Variants in WDR7 observed in about 807,000 individuals in gnomAD.
The protein encoded by WDR7 is WD repeat domain 7.
A neutral mutation model predicts 169.4 loss-of-function variants in WDR7; 46 were observed. That is an observed-to-expected ratio of 0.27 (90% CI 0.21 to 0.35). The LOEUF (loss-of-function observed/expected upper bound fraction) is 0.35. WDR7 is among the 10% of genes least tolerant of loss of function. The pLI is 1.00. For synonymous variants in WDR7, 612 were observed against 666.8 expected, an observed-to-expected ratio of 0.92 and a Z score of 1.27; for missense variants, 1,534 against 1,859.3, an observed-to-expected ratio of 0.83 and a Z score of 3.22.
chr18:57,019,654 C>T (rs2048259238), intron 26 of WDR7, among the ~76,000 whole-genome samples: 1 of 152,164 alleles, frequency 6.6e-6, no homozygotes, highest in South Asian at 2.1e-4. Context: ...CCCTCTTCTT[C>T]TTCATCTTAG....
At chr18:56,932,155 T>C (rs1024492382) in intron 22 of WDR7, among the ~76,000 whole-genome samples, 4 of 152,160 alleles carry the variant, frequency 2.6e-5, no homozygotes, top group African/African-American at 4.8e-5. Context: ...TTTTGCACTG[T>C]GGATGCCATA....
chr18:56,864,902 C>T (rs868502390), intron 20 of WDR7, among the ~76,000 whole-genome samples: 5,961 of 151,896 alleles, frequency 0.039, 141 homozygotes, highest in Middle Eastern at 0.075. Context: ...AGAAGAAAGA[C>T]ACTGGGTTTT....
chr18:56,954,064 G>C (rs1177307821), intron 25 of WDR7, among the ~76,000 whole-genome samples: 1 of 152,182 alleles, frequency 6.6e-6, no homozygotes, highest in Non-Finnish European at 1.5e-5. Context: ...AAAGACATTA[G>C]TAGTGGCATG....
At chr18:56,773,660 A>G (rs2044198647) in intron 16 of WDR7, among the ~76,000 whole-genome samples, 1 of 152,108 alleles carries the variant, frequency 6.6e-6, no homozygotes, top group Admixed American at 6.6e-5. Context: ...GAGGCAATGA[A>G]ACCTGAACTA....
chr18:56,858,592 A>G (rs1226960030), intron 20 of WDR7, among the ~76,000 whole-genome samples: 1 of 152,106 alleles, frequency 6.6e-6, no homozygotes, highest in Non-Finnish European at 1.5e-5. Context: ...TGCTGGGATT[A>G]CAGGTGTGAG....
chr18:56,655,651 T>C (rs1383297768), intron 1 of WDR7, among the ~76,000 whole-genome samples: 1 of 149,590 alleles, frequency 6.7e-6, no homozygotes, highest in African/African-American at 2.5e-5. Context: ...GAAGAAGATA[T>C]GGAACTATTC....
chr18:56,854,620 A>G (rs1302046963), intron 20 of WDR7, among the ~76,000 whole-genome samples: 1 of 152,110 alleles, frequency 6.6e-6, no homozygotes, highest in Non-Finnish European at 1.5e-5. Context: ...TTGTGGAGGA[A>G]ACCCAGTAAG....
chr18:56,972,638 G>A (rs1467521031), intron 26 of WDR7, among the ~76,000 whole-genome samples: 1 of 152,144 alleles, frequency 6.6e-6, no homozygotes, highest in Non-Finnish European at 1.5e-5. Context: ...TTGAAGAATT[G>A]CCTAACAAGC....
At chr18:56,915,175 A>G (rs1185619117) in intron 21 of WDR7, among the ~76,000 whole-genome samples, 3 of 152,222 alleles carry the variant, frequency 2.0e-5, no homozygotes, top group African/African-American at 7.2e-5. Flanking sequence ...CAAAGCTTCT[A>G]GTTATAGAAG....
Position 56,781,985 on chromosome 18 carries a change from G to A in WDR7, c.3190+329G>A, listed in dbSNP as rs555284129. ...TATGCTTATGGATGCCAGCTTGTTC[G>A]ATATGGATCTGATGATATGCAAGTG... On this transcript the variant is annotated intron_variant, in intron 19 of 27. Transcript: ENST00000254442. 196 of 166,014 alleles carry A rather than the reference G, an allele frequency of 1.2e-3. 2 individuals are homozygous for A. The highest frequency in any genetic ancestry group is 4.6e-3 in the African/African-American group (193 of 42,224). 10.3% of individuals were successfully genotyped at this position (166,014 alleles called of 1,614,324 possible). A position where few individuals can be genotyped will look rare whatever the true frequency, so the allele number is the denominator to read the frequency against.
chr18:56,732,931 T>C lies in WDR7; in HGVS notation c.1989+1334T>C, dbSNP rs141842791. On this transcript the variant is annotated intron_variant, in intron 14 of 27. Coordinates refer to ENST00000254442, the MANE Select transcript of WDR7 (RefSeq NM_015285.3). The stretch of plus-strand genomic sequence containing the variant: ...CTCCCAGATATATTCTTTTTCTTGA[T>C]GGTATCCCCTAGAAGTAAAAATTTG... 2.6e-3 allele frequency among the ~76,000 whole-genome samples: 403 copies of C among 152,324 alleles called. 2 individuals are homozygous for C. The highest frequency in any genetic ancestry group is 9.0e-3 in the African/African-American group (374 of 41,578).
chr18:56,854,027 A>C (rs150240311), intron 20 of WDR7, among the ~76,000 whole-genome samples: 1 of 152,344 alleles, frequency 6.6e-6, no homozygotes, highest in East Asian at 1.9e-4. Context: ...GTACACATAC[A>C]TATAATTTTC....
At chr18:56,867,337 TA>T (rs2045896482) in intron 20 of WDR7, among the ~76,000 whole-genome samples, 1 of 152,138 alleles carries the variant, frequency 6.6e-6, no homozygotes. Flanking sequence ...ACGCCCAGCA[TA>T]AAATTTTTTT....
chr18:56,901,020 T>C (rs2046394145), intron 21 of WDR7, among the ~76,000 whole-genome samples: 1 of 152,224 alleles, frequency 6.6e-6, no homozygotes, highest in Non-Finnish European at 1.5e-5. Flanking sequence ...CTAGAAGGAA[T>C]AATTTACTGT....
chr18:56,666,156 A>T (rs1432761387), intron 1 of WDR7, among the ~76,000 whole-genome samples: 1 of 148,200 alleles, frequency 6.7e-6, no homozygotes, highest in African/African-American at 2.5e-5. Flanking sequence ...TTGGGCACAT[A>T]GCATCCATCA....
chr18:56,800,140 A>G (rs997058736), intron 19 of WDR7, among the ~76,000 whole-genome samples: 8 of 152,014 alleles, frequency 5.3e-5, no homozygotes, highest in African/African-American at 1.9e-4. Flanking sequence ...CATTCTTTTT[A>G]TAACTTTGTT....
chr18:56,999,730 T>C (rs1435959568), intron 26 of WDR7, among the ~76,000 whole-genome samples: 1 of 152,134 alleles, frequency 6.6e-6, no homozygotes, highest in Non-Finnish European at 1.5e-5. Flanking sequence ...CACTATCATC[T>C]TATACAATAA....
intron 13 of WDR7, among the ~76,000 whole-genome samples, chr18:56,726,195 A>C (rs1383996434): frequency 2.0e-5 from 3 of 152,162 alleles, no homozygotes; most frequent in African/African-American, 7.2e-5. Context: ...GAAGAAAGTC[A>C]TTGGTAGCTT....
At chr18:57,016,095 G>C (rs2048202533) in intron 26 of WDR7, among the ~76,000 whole-genome samples, 1 of 152,082 alleles carries the variant, frequency 6.6e-6, no homozygotes, top group African/African-American at 2.4e-5. Flanking sequence ...GCCAACTGGG[G>C]AGGACGTATT....
Sources: allele counts gnomAD v4.1 joint callset (sites outside exome capture counted in the v4.1 genomes callset), GRCh38; gene constraint gnomAD v4.1.1; transcripts MANE v1.5; gene names NCBI Gene and HGNC (gene_info 2026-07-23, HGNC 2026-07-21).